Variants in ATXN10 observed in about 807,000 individuals in gnomAD.
ATXN10 encodes ataxin 10, also known as ataxin-10.
Under a neutral mutation model 52.9 loss-of-function variants are expected in ATXN10, and 28 were observed. The observed-to-expected ratio is 0.53, with a 90% CI of 0.39 to 0.73. The LOEUF (loss-of-function observed/expected upper bound fraction) is 0.73, where lower values mean the gene tolerates loss of function less well. Ranked by LOEUF, ATXN10 falls within the 30% of genes least tolerant of loss-of-function variation. ATXN10 has a pLI of 0.00. For missense variants in ATXN10, 565 were observed against 577.0 expected (o/e 0.98, Z 0.21); for synonymous variants, 226 against 221.5 (o/e 1.02, Z -0.18).
intron 9 of ATXN10, among the ~76,000 whole-genome samples, chr22:45,777,268 G>A (rs758838662): frequency 6.6e-6 from 1 of 152,104 alleles, no homozygotes; most frequent in South Asian, 2.1e-4. Flanking sequence ...CTGTTATGTC[G>A]TTGTTACCAT....
At chr22:45,800,780 A>C (rs1427961640) in intron 9 of ATXN10, among the ~76,000 whole-genome samples, 1 of 152,256 alleles carries the variant, frequency 6.6e-6, no homozygotes, top group Non-Finnish European at 1.5e-5. Flanking sequence ...AACAACGTGG[A>C]TGAATCTCGA....
chr22:45,699,636 C>T (rs1464957567), intron 3 of ATXN10, among the ~76,000 whole-genome samples: 2 of 150,702 alleles, frequency 1.3e-5, no homozygotes, highest in African/African-American at 2.4e-5. Flanking sequence ...GGATTACAGA[C>T]GCCTTCCACC....
intron 9 of ATXN10, among the ~76,000 whole-genome samples, chr22:45,747,577 A>G (rs1352412952): frequency 6.6e-6 from 1 of 152,158 alleles, no homozygotes; most frequent in African/African-American, 2.4e-5. Context: ...CTTGGCTTGT[A>G]ACATTGGATC....
intron 9 of ATXN10, chr22:45,793,055 G>A (rs1927571220): frequency 7.5e-6 from 2 of 265,082 alleles, no homozygotes; most frequent in Admixed American, 7.2e-5. Context: ...TGCTTCTCAG[G>A]ACCGTGGTCA....
chr22:45,821,829 TGTAAC>T (rs1392247092), intron 10 of ATXN10, among the ~76,000 whole-genome samples: 1 of 152,184 alleles, frequency 6.6e-6, no homozygotes, highest in Non-Finnish European at 1.5e-5. Context: ...TATTTTGAAA[TGTAAC>T]GTGCATACTG....
chr22:45,811,792 A>C (rs528205834), intron 10 of ATXN10: 2 of 470,790 alleles, frequency 4.2e-6, no homozygotes, highest in Admixed American at 4.7e-5. Flanking sequence ...TGCTGGGTCC[A>C]GGTGATTTTT....
intron 9 of ATXN10, among the ~76,000 whole-genome samples, chr22:45,753,735 C>G (rs918181802): frequency 6.6e-6 from 1 of 152,006 alleles, no homozygotes; most frequent in Non-Finnish European, 1.5e-5. Flanking sequence ...AATTTCTTGA[C>G]TTGGGATTCT....
chr22:45,843,177 C>T lies in ATXN10; in HGVS notation c.1424C>T (p.Pro475Leu), dbSNP rs1265754760. ...AAATCTACTAGAGACACCCCTAAGC[C>T]AGTAAGTACCCTCGAGGGAACTGTC... ...ILKSTRDTPKP is the reference protein window; with the variant it reads ...ILKSTRDTPKL Residue 475 changes from proline to leucine, a missense_variant and splice_region_variant, in exon 11 of 12, where the codon CCA becomes CTA. Coordinates refer to ENST00000252934, the MANE Select transcript of ATXN10 (RefSeq NM_013236.4). The surrounding 1 kb of genome is among the most constrained non-coding windows in gnomAD (Gnocchi z 4.5). 2 of 1,613,788 alleles carry T rather than the reference C, an allele frequency of 1.2e-6. No homozygotes were observed. Among genetic ancestry groups the T allele is most frequent in the Non-Finnish European group, 8.5e-7 (1 of 1,179,858 alleles).
intron 9 of ATXN10, among the ~76,000 whole-genome samples, chr22:45,761,223 C>T (rs1315992526): frequency 6.6e-6 from 1 of 152,064 alleles, no homozygotes; most frequent in East Asian, 1.9e-4. Context: ...CAGGTTCAGG[C>T]GATTCCCCAG....
chr22:45,829,516 G>GTT (rs1014523594), intron 10 of ATXN10, among the ~76,000 whole-genome samples: 1 of 152,146 alleles, frequency 6.6e-6, no homozygotes, highest in African/African-American at 2.4e-5. Context: ...TAAAACTCAT[G>GTT]TTTTAATGAA....
intron 9 of ATXN10, among the ~76,000 whole-genome samples, chr22:45,797,319 A>C (rs761005425): frequency 6.6e-6 from 1 of 152,242 alleles, no homozygotes; most frequent in Non-Finnish European, 1.5e-5. Context: ...TGCTGGGGCC[A>C]TAACAGTGCT....
chr22:45,780,557 A>G lies in ATXN10; in HGVS notation c.1174-26402A>G, dbSNP rs1343660452. Among the ~76,000 whole-genome samples the G allele has an allele frequency of 2.0e-5, 3 of 152,168 alleles. No homozygotes were observed. The highest frequency in any genetic ancestry group is 2.9e-5 in the Non-Finnish European group (2 of 68,030). On this transcript the variant is annotated intron_variant, in intron 9 of 11. Transcript: ENST00000252934. This position sits in a 1 kb window ranked among gnomAD's most constrained non-coding sequence, Gnocchi z 4.0. ...GCCAGCCTGTTTCCCCCTCTGTAGA[A>G]TGGGATAACAGGAAGTCCTGCCTCA...
Position 45,672,196 on chromosome 22 carries a change from G to T in ATXN10, c.116+17G>T, listed in dbSNP as rs1048894950. ...GCGGAACCGGTAACGGGTCCGGCCG[G>T]GGGGCTGCCCCGGGCAGGGGAGGGC... On this transcript the variant is annotated intron_variant, in intron 1 of 11. Coordinates refer to ENST00000252934, the MANE Select transcript of ATXN10 (RefSeq NM_013236.4). The T allele has an allele frequency of 6.6e-7, 1 of 1,523,186 alleles. No homozygotes were observed. Among genetic ancestry groups the T allele is most frequent in the African/African-American group, 1.4e-5 (1 of 71,396 alleles). The allele number at this position is 1,523,186 out of a possible 1,614,324, so 94.4% of individuals were successfully genotyped here.
In ATXN10 at chr22:45,843,253, A is replaced by G; in HGVS notation, c.1425+75A>G. On this transcript the variant is annotated intron_variant, in intron 11 of 11. Transcript: ENST00000252934. This position sits in a 1 kb window ranked among gnomAD's most constrained non-coding sequence, Gnocchi z 4.5. ...TTTCCACTTCCCCATTGCTTCAAGCACGAGGCTCTTTGTAAGAATATGGAT... is the reference window on the plus strand; with the variant it reads ...TTTCCACTTCCCCATTGCTTCAAGCGCGAGGCTCTTTGTAAGAATATGGAT... 6.7e-7 allele frequency: 1 copy of G among 1,485,442 alleles called. No individual in the cohort carries two copies. Among genetic ancestry groups the G allele is most frequent in the Middle Eastern group, 2.1e-4 (1 of 4,704 alleles). 92.0% of individuals were successfully genotyped at this position (1,485,442 alleles called of 1,614,324 possible). A position where few individuals can be genotyped will look rare whatever the true frequency, so the allele number is the denominator to read the frequency against.
chr22:45,785,759 G>A (rs764209184), intron 9 of ATXN10, among the ~76,000 whole-genome samples: 3 of 152,228 alleles, frequency 2.0e-5, no homozygotes, highest in Non-Finnish European at 2.9e-5. Context: ...AGGAAGCCGC[G>A]AGGCTGAGAG....
chr22:45,679,518 G>A (rs1922833165), intron 1 of ATXN10: 1 of 152,196 alleles, frequency 6.6e-6, no homozygotes, highest in Admixed American at 6.5e-5. Flanking sequence ...CTATCCATCT[G>A]TGTATACACA....
At chr22:45,672,304 G>C (rs1349844665) in intron 1 of ATXN10, 125 bp downstream of exon 1, 1 of 1,083,766 alleles carries the variant, frequency 9.2e-7, no homozygotes, top group African/African-American at 1.7e-5. Flanking sequence ...AGGCCTGCGC[G>C]GGCTGCCTGA....
chr22:45,689,622 A>G (rs1368713086), intron 1 of ATXN10, 90 bp from the exon 2 acceptor site: 8 of 1,156,732 alleles, frequency 6.9e-6, no homozygotes, highest in African/African-American at 1.5e-5. Flanking sequence ...GTACCTCCCC[A>G]CAATAGTAGA....
At position 45,750,430 on chromosome 22, in the gene ATXN10, A is replaced by T. The variant is rs1390594247; in HGVS notation, c.1173+9892A>T. 6.6e-6 allele frequency among the ~76,000 whole-genome samples: 1 copy of T among 152,202 alleles called. No individual in the cohort carries two copies. The highest frequency in any genetic ancestry group is 1.5e-5 in the Non-Finnish European group (1 of 68,040). On this transcript the variant is annotated intron_variant, in intron 9 of 11. Transcript: ENST00000252934. This position sits in a 1 kb window ranked among gnomAD's most constrained non-coding sequence, Gnocchi z 4.2. ...GATTTTAAATGGATTTGTGTTTAACAGTAAAAAACAATTATTTCACAGTAT... is the reference window on the plus strand; with the variant it reads ...GATTTTAAATGGATTTGTGTTTAACTGTAAAAAACAATTATTTCACAGTAT...
Sources: allele counts gnomAD v4.1 joint callset (sites outside exome capture counted in the v4.1 genomes callset), GRCh38; gene constraint gnomAD v4.1.1; non-coding constraint Gnocchi (gnomAD v3.1); transcripts MANE v1.5; gene names NCBI Gene and HGNC (gene_info 2026-07-23, HGNC 2026-07-21).